Variants in TEX36 observed in about 807,000 individuals in gnomAD.
TEX36 encodes testis expressed 36, also known as testis-expressed protein 36.
Under a neutral mutation model 13.6 loss-of-function variants are expected in TEX36, and 12 were observed. That is an observed-to-expected ratio of 0.88 (90% confidence interval 0.56 to 1.43). TEX36 has a LOEUF of 1.43. Ranked by LOEUF, TEX36 falls within the 40% of genes most tolerant of loss-of-function variation. The pLI, the probability that TEX36 is intolerant of heterozygous loss-of-function variation, is 0.00. For synonymous variants in TEX36, 93 were observed against 83.0 expected, an observed-to-expected ratio of 1.12 and a Z score of -0.65; for missense variants, 224 against 228.3, an observed-to-expected ratio of 0.98 and a Z score of 0.12.
At chr10:125,620,608 G>A (rs1589758323), downstream of TEX36, among the ~76,000 whole-genome samples, 1 of 152,308 alleles carries the variant, frequency 6.6e-6, no homozygotes, top group Non-Finnish European at 1.5e-5. Context: ...GCAATCACAA[G>A]TCAATTTTTT....
rs571295199 is a variant in TEX36, at chr10:125,602,832, G to A, written c.265-25958C>T. On this transcript the variant is annotated intron_variant, in intron 3 of 3. Coordinates refer to the TEX36 transcript ENST00000532135. ...TTCTCTTTTTTAGGAATTAACATTT[G>A]TATCCTTTCCATGGAATACTCGTTA... is the stretch of plus-strand genomic sequence containing the variant. 5.3e-5 allele frequency among the ~76,000 whole-genome samples: 8 copies of A among 152,252 alleles called. No individual in the cohort carries two copies. The East Asian group carries it at 1.4e-3, about 26-fold the overall frequency.
In TEX36 at chr10:125,666,947, T is replaced by C. The variant is rs111651881; in HGVS notation, c.52-4970A>G. 1,389 of 794,638 alleles carry C rather than the reference T, an allele frequency of 1.7e-3. 17 individuals are homozygous for C. In the African/African-American group the frequency reaches 0.021, roughly 12 times the overall value. 49.2% of individuals were successfully genotyped at this position (794,638 alleles called of 1,614,324 possible). A position where few individuals can be genotyped will look rare whatever the true frequency, so the allele number is the denominator to read the frequency against. On this transcript the variant is annotated intron_variant, in intron 1 of 3. Transcript: ENST00000368821. ...CAGTCTCACTGCTTGGGGTGTACTT[T>C]CCTTGACAGGCCAGGCTGTTGGCCA... is the stretch of plus-strand genomic sequence containing the variant.
At chr10:125,582,779 T>G (rs1589739153) in intron 3 of TEX36, among the ~76,000 whole-genome samples, 1 of 152,186 alleles carries the variant, frequency 6.6e-6, no homozygotes, top group East Asian at 1.9e-4. Context: ...ATAAATTGGT[T>G]TTTTTAAAAA....
intron 3 of TEX36, among the ~76,000 whole-genome samples, chr10:125,656,945 A>G (rs1263101669): frequency 6.6e-6 from 1 of 152,072 alleles, no homozygotes; most frequent in Admixed American, 6.6e-5. Flanking sequence ...GAGGAGGCTG[A>G]ATTCTTTCCC....
At chr10:125,611,631 C>A (rs1225640034) in intron 3 of TEX36, among the ~76,000 whole-genome samples, 1 of 151,170 alleles carries the variant, frequency 6.6e-6, no homozygotes, top group Non-Finnish European at 1.5e-5. Flanking sequence ...CTTGCCTAGG[C>A]TTATTGCAAA....
intron 3 of TEX36, among the ~76,000 whole-genome samples, chr10:125,622,770 C>T (rs1846443193): frequency 6.6e-6 from 1 of 152,190 alleles, no homozygotes; most frequent in Non-Finnish European, 1.5e-5. Context: ...GAGTAGTAGT[C>T]GATTTCATCT....
intron 3 of TEX36, among the ~76,000 whole-genome samples, chr10:125,645,307 T>C (rs190693568): frequency 1.5e-4 from 23 of 152,304 alleles, no homozygotes; most frequent in Admixed American, 7.2e-4. Context: ...TTAGAGGTGA[T>C]TGGGTTATAA....
downstream of TEX36, chr10:125,621,542 A>G: frequency 2.2e-6 from 1 of 453,108 alleles, no homozygotes; most frequent in Non-Finnish European, 4.4e-6. Context: ...GGCTCTCCAG[A>G]GAGACAGAAC....
chr10:125,673,769 AG>A (rs1847269612), intron 1 of TEX36, among the ~76,000 whole-genome samples: 1 of 145,032 alleles, frequency 6.9e-6, no homozygotes, highest in South Asian at 2.3e-4. Context: ...TCTGGCTTGT[AG>A]GGTTTCTGCT....
intron 1 of TEX36, among the ~76,000 whole-genome samples, chr10:125,669,838 A>C (rs866901461): frequency 6.6e-6 from 1 of 152,210 alleles, no homozygotes; most frequent in Admixed American, 6.5e-5. Flanking sequence ...TATAAGTGAG[A>C]ACGTGATAGT....
downstream of TEX36, among the ~76,000 whole-genome samples, chr10:125,654,005 T>G (rs993014279): frequency 1.3e-5 from 2 of 152,034 alleles, no homozygotes; most frequent in East Asian, 3.9e-4. Context: ...GGATATATAC[T>G]CTCTGTAATA....
downstream of TEX36, chr10:125,621,510 C>T (rs1846429260): frequency 7.1e-6 from 3 of 421,136 alleles, no homozygotes; most frequent in Non-Finnish European, 1.4e-5. Flanking sequence ...TTGATATTGC[C>T]TTTTCCACTT....
intron 3 of TEX36, among the ~76,000 whole-genome samples, chr10:125,634,717 TA>T (rs1846602112): frequency 6.6e-6 from 1 of 152,162 alleles, no homozygotes; most frequent in Non-Finnish European, 1.5e-5. Flanking sequence ...ATCAGAAGGT[TA>T]AAAAATGCCC....
At chr10:125,633,290 C>T (rs1289131550) in intron 3 of TEX36, among the ~76,000 whole-genome samples, 5 of 152,062 alleles carry the variant, frequency 3.3e-5, no homozygotes, top group African/African-American at 7.2e-5. Flanking sequence ...TTTGGAAATC[C>T]GTAGGGATCA....
chr10:125,645,294 C>G (rs996266684), intron 3 of TEX36, among the ~76,000 whole-genome samples: 2 of 152,112 alleles, frequency 1.3e-5, no homozygotes, highest in African/African-American at 4.8e-5. Flanking sequence ...GAGATGGGAC[C>G]TTTTAGAGGT....
downstream of TEX36, among the ~76,000 whole-genome samples, chr10:125,617,943 T>C (rs1363245986): frequency 2.6e-5 from 4 of 152,228 alleles, no homozygotes; most frequent in African/African-American, 7.2e-5. Context: ...GTAGATTTGG[T>C]CTTTTCACAT....
At chr10:125,681,110 A>T (rs1345835680) in intron 1 of TEX36, among the ~76,000 whole-genome samples, 2 of 152,196 alleles carry the variant, frequency 1.3e-5, no homozygotes, top group Non-Finnish European at 2.9e-5. Context: ...CTTAGGTGAC[A>T]GGCGCCTTCC....
In TEX36 at chr10:125,596,655, A is replaced by T. The variant is rs914103421; in HGVS notation, c.265-19781T>A. Among the ~76,000 whole-genome samples, 40 of 152,336 alleles carry T rather than the reference A, an allele frequency of 2.6e-4. 1 individual carries two copies. The highest frequency in any genetic ancestry group is 2.3e-3 in the Admixed American group (35 of 15,308). On this transcript the variant is annotated intron_variant, in intron 3 of 3. Transcript: ENST00000532135. ...TTTGTGGCAATTTTTTACAGCCGCAATTGGAAATTAACACAGCAATTTACC... is the reference window on the plus strand; with the variant it reads ...TTTGTGGCAATTTTTTACAGCCGCATTTGGAAATTAACACAGCAATTTACC...
At chr10:125,616,895 T>A (rs1420067135), downstream of TEX36, among the ~76,000 whole-genome samples, 1 of 151,252 alleles carries the variant, frequency 6.6e-6, no homozygotes, top group Non-Finnish European at 1.5e-5. Flanking sequence ...TGTTAAAGTC[T>A]CCCATTATTA....
Sources: allele counts gnomAD v4.1 joint callset (sites outside exome capture counted in the v4.1 genomes callset), GRCh38; gene constraint gnomAD v4.1.1; transcripts MANE v1.5; gene names NCBI Gene and HGNC (gene_info 2026-07-23, HGNC 2026-07-21).